PCDHA5: variants seen among roughly 807,000 people sequenced by gnomAD.
PCDHA5 encodes protocadherin alpha-5.
Under a neutral mutation model 61.6 loss-of-function variants are expected in PCDHA5, and 43 were observed. The observed-to-expected ratio is 0.70, with a 90% CI of 0.55 to 0.90. The LOEUF is 0.90. Among genes scored for constraint, PCDHA5 ranks in the 40% least tolerant of loss-of-function variants. The pLI, the probability that PCDHA5 is intolerant of heterozygous loss-of-function variation, is 0.00. For missense variants in PCDHA5, 1,298 were observed against 1,222.7 expected, an observed-to-expected ratio of 1.06 and a Z score of -0.92; for synonymous variants, 627 against 543.9, an observed-to-expected ratio of 1.15 and a Z score of -2.13.
intron 1 of PCDHA5, chr5:140,863,708 A>G: frequency 3.5e-6 from 1 of 284,690 alleles, no homozygotes; most frequent in Non-Finnish European, 6.9e-6. Flanking sequence ...TTTAAAGTAC[A>G]CTGGGGCCGG....
Position 140,858,384 on chromosome 5 carries a change from T to C in PCDHA5, c.2352+34257T>C, listed in dbSNP as rs782413045. 1.8e-5 allele frequency: 29 copies of C among 1,582,610 alleles called. 1 individual carries two copies. The East Asian group carries it at 3.6e-4, about 20-fold the overall frequency. ...AGCCCCAGCCTTCCACCATGCCCAA[T>C]GGTAGATGTGGACGGGGAAGATCAG... On this transcript the variant is annotated intron_variant, in intron 1 of 3. Coordinates refer to ENST00000529859, the MANE Select transcript of PCDHA5 (RefSeq NM_018908.3).
At chr5:140,942,539 TG>T (rs1370746759) in intron 1 of PCDHA5, among the ~76,000 whole-genome samples, 2 of 151,338 alleles carry the variant, frequency 1.3e-5, no homozygotes, top group Admixed American at 6.6e-5. Flanking sequence ...CTCAGTATGG[TG>T]GGGGGTAGGG....
chr5:140,917,724 G>C (rs2078325058), intron 1 of PCDHA5, among the ~76,000 whole-genome samples: 1 of 152,080 alleles, frequency 6.6e-6, no homozygotes, highest in East Asian at 1.9e-4. Flanking sequence ...CTTTATTTCT[G>C]GGTTCTCTAA....
At chr5:140,881,185 A>G (rs893291095) in intron 1 of PCDHA5, 7 of 166,796 alleles carry the variant, frequency 4.2e-5, no homozygotes, top group African/African-American at 1.7e-4. Flanking sequence ...CTTGCTAAAG[A>G]TATGTTAACA....
intron 1 of PCDHA5, among the ~76,000 whole-genome samples, chr5:140,952,560 C>T (rs536018099): frequency 5.2e-4 from 79 of 152,304 alleles, no homozygotes; most frequent in Non-Finnish European, 1.0e-3. Context: ...TCACTATCAG[C>T]ACTTCGGTCC....
chr5:140,877,070 T>A (rs2056830444), intron 1 of PCDHA5: 4 of 1,613,050 alleles, frequency 2.5e-6, no homozygotes, highest in Non-Finnish European at 3.4e-6. Flanking sequence ...CTGCTGCAGT[T>A]CCAGGTGAGC....
chr5:140,835,745 G>T (rs781786218), intron 1 of PCDHA5: 2 of 1,613,472 alleles, frequency 1.2e-6, no homozygotes, highest in Non-Finnish European at 1.7e-6. Flanking sequence ...ACGCCCCGGC[G>T]TTCGCGCAGC....
intron 1 of PCDHA5, among the ~76,000 whole-genome samples, chr5:140,906,981 G>A (rs1554192831): frequency 6.6e-6 from 1 of 152,122 alleles, no homozygotes; most frequent in Non-Finnish European, 1.5e-5. Flanking sequence ...GTCTTCTGGT[G>A]GCAGCATTCC....
intron 1 of PCDHA5, among the ~76,000 whole-genome samples, chr5:140,838,271 G>A (rs1439156541): frequency 7.8e-6 from 1 of 127,938 alleles, no homozygotes; most frequent in Non-Finnish European, 1.6e-5. Context: ...CAACAACCAA[G>A]CCATGCTAAT....
At chr5:140,998,721 C>T (rs987484967) in intron 3 of PCDHA5, among the ~76,000 whole-genome samples, 3 of 152,084 alleles carry the variant, frequency 2.0e-5, no homozygotes, top group Non-Finnish European at 2.9e-5. Context: ...TGCACCACCA[C>T]GCTAGGCTAA....
chr5:140,967,762 G>A, intron 1 of PCDHA5: 1 of 1,614,216 alleles, frequency 6.2e-7, no homozygotes, highest in Non-Finnish European at 8.5e-7. Flanking sequence ...CCTCCTACCA[G>A]ATCTATGTGC....
chr5:140,854,159 CAAAAAA>C, intron 1 of PCDHA5: 1 of 339,904 alleles, frequency 2.9e-6, no homozygotes, highest in Middle Eastern at 1.4e-3. Flanking sequence ...GATTCTGTCT[CAAAAAA>C]AAAAAAAAAA....
At chr5:140,842,605 G>T (rs1198033528) in intron 1 of PCDHA5, 2 of 1,550,578 alleles carry the variant, frequency 1.3e-6, no homozygotes, top group African/African-American at 2.9e-5. Context: ...TAACCGCGCG[G>T]GACGGGGGCT....
intron 1 of PCDHA5, among the ~76,000 whole-genome samples, chr5:140,922,947 C>A (rs533564361): frequency 6.6e-6 from 1 of 152,178 alleles, no homozygotes; most frequent in South Asian, 2.1e-4. Context: ...AATGGAAATC[C>A]AGTTTGTCTT....
At position 140,882,346 on chromosome 5, in the gene PCDHA5, G is replaced by C. The variant is rs146510190; in HGVS notation, c.2352+58219G>C. 1,878 of 1,614,194 alleles carry C rather than the reference G, an allele frequency of 1.2e-3. 37 individuals are homozygous for C. In the South Asian group the frequency reaches 0.019, roughly 17 times the overall value. On this transcript the variant is annotated intron_variant, in intron 1 of 3. Transcript: ENST00000529859. ...TTCTGATCCTCGCAGCCTGGGAGAC[G>C]GGTAGTGGCCAGCTCCACTACTCCG...
intron 1 of PCDHA5, chr5:140,835,926 G>C: frequency 1.2e-6 from 2 of 1,612,440 alleles, no homozygotes; most frequent in South Asian, 1.1e-5. Flanking sequence ...CGCGGAGAGC[G>C]GCAAGGTGTA....
At chr5:140,836,331 C>A (rs2150258002) in intron 1 of PCDHA5, 4 of 1,613,758 alleles carry the variant, frequency 2.5e-6, no homozygotes, top group South Asian at 1.1e-5. Flanking sequence ...CCTTCTGGTG[C>A]TTGTGAAGGA....
Position 140,922,562 on chromosome 5 carries a change from T to A in PCDHA5, c.2353-56387T>A, listed in dbSNP as rs2080887973. Among the ~76,000 whole-genome samples, 4 of 152,188 alleles carry A rather than the reference T, an allele frequency of 2.6e-5. No individual in the cohort carries two copies. In the South Asian group the frequency reaches 8.3e-4, roughly 31 times the overall value. ...GGCAAGGTAAGGAGAAAAGTCAGGA[T>A]GACAAGTTGCCCTGTAGCCGCCAGT... On this transcript the variant is annotated intron_variant, in intron 1 of 3. Transcript: ENST00000529859.
intron 1 of PCDHA5, chr5:140,836,111 A>C: frequency 1.2e-6 from 2 of 1,613,698 alleles, no homozygotes; most frequent in South Asian, 2.2e-5. Flanking sequence ...CTGGTGGCGC[A>C]GTGAGAGAGC....
Sources: gnomAD v4.1 joint callset for allele counts (sites outside exome capture counted in the v4.1 genomes callset) on GRCh38, gnomAD v4.1.1 for gene constraint, MANE v1.5 for transcripts, NCBI Gene and HGNC (gene_info 2026-07-23, HGNC 2026-07-21) for gene names.